PCDHGA3: variants seen among roughly 807,000 people sequenced by gnomAD.
PCDHGA3 encodes the protein protocadherin gamma subfamily A, 3.
Under a neutral mutation model 58.5 loss-of-function variants are expected in PCDHGA3, and 40 were observed. The observed-to-expected ratio is 0.68, with a 90% CI of 0.53 to 0.89. The LOEUF is 0.89. Ranked by LOEUF, PCDHGA3 falls within the 40% of genes least tolerant of loss-of-function variation. The pLI is 0.00. For missense variants in PCDHGA3, 1,223 were observed against 1,195.9 expected (o/e 1.02, Z -0.33); for synonymous variants, 530 against 525.7 (o/e 1.01, Z -0.11).
intron 1 of PCDHGA3, chr5:141,375,182 G>C: frequency 6.2e-7 from 1 of 1,613,936 alleles, no homozygotes; most frequent in Non-Finnish European, 8.5e-7. Context: ...AACAGTAATC[G>C]CCCTTTTTCA....
intron 1 of PCDHGA3, chr5:141,410,107 G>A: frequency 3.1e-6 from 5 of 1,612,702 alleles, no homozygotes; most frequent in Non-Finnish European, 4.2e-6. Flanking sequence ...TAGGCGACAG[G>A]GACGCAGCCC....
At chr5:141,366,133 C>A (rs777240886) in intron 1 of PCDHGA3, 1 of 1,614,216 alleles carries the variant, frequency 6.2e-7, no homozygotes, top group East Asian at 2.2e-5. Flanking sequence ...CAGGCCAGAA[C>A]GCCTGGCTGT....
intron 1 of PCDHGA3, chr5:141,392,676 C>G: frequency 1.1e-6 from 1 of 917,280 alleles, no homozygotes. Context: ...AACTGCTGGA[C>G]TGCAGCGAAA....
At chr5:141,397,887 G>C in intron 1 of PCDHGA3, 1 of 617,602 alleles carries the variant, frequency 1.6e-6, no homozygotes, top group South Asian at 2.4e-5. Flanking sequence ...GCCGCTGTTG[G>C]CCAAAGTGCA....
intron 1 of PCDHGA3, chr5:141,393,248 C>A: frequency 4.3e-6 from 7 of 1,613,798 alleles, no homozygotes; most frequent in Non-Finnish European, 5.9e-6. Flanking sequence ...TTAACGAAAT[C>A]GCGGTTCCTG....
At chr5:141,380,632 T>C (rs546554559) in intron 1 of PCDHGA3, among the ~76,000 whole-genome samples, 5 of 152,324 alleles carry the variant, frequency 3.3e-5, no homozygotes, top group Non-Finnish European at 7.3e-5. Flanking sequence ...ACTTAGAAAA[T>C]GTGAATGCTA....
chr5:141,489,191 T>C lies in PCDHGA3; in HGVS notation c.2425-5616T>C. On this transcript the variant is annotated intron_variant, in intron 1 of 3. Coordinates refer to ENST00000253812, the MANE Select transcript of PCDHGA3 (RefSeq NM_018916.4). The surrounding 1 kb of genome is among the most constrained non-coding windows in gnomAD (Gnocchi z 4.5). ...CTGCATTCCAAGCCCTGGGTCTACC[T>C]TGGAGACAGGACAGCACAGACTTAC... The C allele has an allele frequency of 7.3e-7, 1 of 1,364,400 alleles. No homozygotes were observed. Among genetic ancestry groups the C allele is most frequent in the Middle Eastern group, 1.9e-4 (1 of 5,334 alleles). The allele number at this position is 1,364,400 out of a possible 1,614,324, so 84.5% of individuals were successfully genotyped here. A position where few individuals can be genotyped will look rare whatever the true frequency, so the allele number is the denominator to read the frequency against.
At chr5:141,352,340 T>A in intron 1 of PCDHGA3, 1 of 1,614,076 alleles carries the variant, frequency 6.2e-7, no homozygotes, top group South Asian at 1.1e-5. Context: ...GGCCTTGGCC[T>A]TGATCTCAGT....
chr5:141,367,367 T>G (rs947999999), intron 1 of PCDHGA3: 3 of 151,876 alleles, frequency 2.0e-5, no homozygotes, highest in African/African-American at 7.3e-5. Flanking sequence ...TGAAACCCTG[T>G]TCTACTAAAA....
intron 1 of PCDHGA3, chr5:141,424,567 A>T (rs1034112526): frequency 3.3e-5 from 5 of 152,176 alleles, no homozygotes; most frequent in African/African-American, 7.2e-5. Flanking sequence ...CTTCTCAAAA[A>T]CCTATTTTCA....
chr5:141,436,859 A>G (rs550974791), intron 1 of PCDHGA3, among the ~76,000 whole-genome samples: 7 of 152,250 alleles, frequency 4.6e-5, no homozygotes, highest in Non-Finnish European at 1.0e-4. Flanking sequence ...TTGAGAAGCC[A>G]CAGTTTTAGG....
chr5:141,374,951 C>G (rs780549456), intron 1 of PCDHGA3: 22 of 1,613,900 alleles, frequency 1.4e-5, no homozygotes, highest in Admixed American at 1.7e-5. Context: ...AAAGATCTCA[C>G]AAATTTTCTG....
intron 1 of PCDHGA3, chr5:141,388,246 TGGA>T: frequency 6.2e-7 from 1 of 1,609,740 alleles, no homozygotes; most frequent in East Asian, 2.2e-5. Context: ...CACGTGAATG[TGGA>T]GATCGAGGAC....
chr5:141,459,843 T>C (rs1328781794), intron 1 of PCDHGA3, among the ~76,000 whole-genome samples: 1 of 152,228 alleles, frequency 6.6e-6, no homozygotes, highest in African/African-American at 2.4e-5. Context: ...TGTCTATTTG[T>C]ATATCTTCTT....
rs1360124362 is a variant in PCDHGA3 at position 141,489,688 on chromosome 5, G to A, written c.2425-5119G>A. On this transcript the variant is annotated intron_variant, in intron 1 of 3. Coordinates refer to ENST00000253812, the MANE Select transcript of PCDHGA3 (RefSeq NM_018916.4). This position sits in a 1 kb window ranked among gnomAD's most constrained non-coding sequence, Gnocchi z 4.5. The stretch of plus-strand genomic sequence containing the variant: ...CATCTCAGAATCAGCAGCATCTGGG[G>A]CACGATTCCCACTGGACAGTGCCCA... 6.2e-7 allele frequency: 1 copy of A among 1,614,150 alleles called. No homozygotes were observed. Among genetic ancestry groups the A allele is most frequent in the Non-Finnish European group, 8.5e-7 (1 of 1,180,012 alleles).
chr5:141,375,766 G>C lies in PCDHGA3; in HGVS notation c.2424+29309G>C, dbSNP rs754916018. The C allele has an allele frequency of 4.3e-6, 7 of 1,614,270 alleles. No homozygotes were observed. In the South Asian group the frequency reaches 7.7e-5, roughly 18 times the overall value. On this transcript the variant is annotated intron_variant, in intron 1 of 3. Coordinates refer to ENST00000253812, the MANE Select transcript of PCDHGA3 (RefSeq NM_018916.4). ...TGGACCAGAATGACAATGCGCCCGA[G>C]ATCCTGTACCCCGCCCTCCCCACAG...
chr5:141,458,922 G>A (rs747489537), intron 1 of PCDHGA3, among the ~76,000 whole-genome samples: 2 of 151,918 alleles, frequency 1.3e-5, no homozygotes, highest in East Asian at 1.9e-4. Flanking sequence ...TTGTGGAGAC[G>A]GGGTCTCACT....
intron 1 of PCDHGA3, chr5:141,414,805 C>T (rs1464881022): frequency 1.2e-6 from 2 of 1,614,224 alleles, no homozygotes; most frequent in Middle Eastern, 1.6e-4. Flanking sequence ...CAGCGGGGAT[C>T]CTCCACTCAG....
At position 141,404,686 on chromosome 5, in the gene PCDHGA3, A is replaced by G. The variant is rs1281158377; in HGVS notation, c.2424+58229A>G. On this transcript the variant is annotated intron_variant, in intron 1 of 3. Transcript: ENST00000253812. ...ATGGTTCTACTGGTGTGGAGCTGGC[A>G]CCCCGCTCTGCAGAGCCTGGCTACC... 4 of 1,613,710 alleles carry G rather than the reference A, an allele frequency of 2.5e-6. No individual in the cohort carries two copies. In the African/African-American group the frequency reaches 5.3e-5, roughly 22 times the overall value.
Sources: allele counts gnomAD v4.1 joint callset (sites outside exome capture counted in the v4.1 genomes callset), GRCh38; gene constraint gnomAD v4.1.1; non-coding constraint Gnocchi (gnomAD v3.1); transcripts MANE v1.5; gene names NCBI Gene and HGNC (gene_info 2026-07-23, HGNC 2026-07-21).